Variants in ARHGAP15 observed in about 807,000 individuals in gnomAD.
The protein encoded by ARHGAP15 is rho GTPase-activating protein 15.
In ARHGAP15, 51 loss-of-function variants were observed where a neutral mutation model predicts 63.7. That is an observed-to-expected ratio of 0.80 (90% CI 0.64 to 1.01). The LOEUF is 1.01. Among genes scored for constraint, ARHGAP15 ranks in the 50% least tolerant of loss-of-function variants. The pLI, the probability that ARHGAP15 is intolerant of heterozygous loss-of-function variation, is 0.00. For missense variants in ARHGAP15, 560 were observed against 564.6 expected (o/e 0.99, Z 0.08); for synonymous variants, 191 against 193.8 (o/e 0.99, Z 0.12).
At chr2:143,425,988 C>A (rs1187087925) in intron 6 of ARHGAP15, among the ~76,000 whole-genome samples, 1 of 152,136 alleles carries the variant, frequency 6.6e-6, no homozygotes, top group Non-Finnish European at 1.5e-5. Flanking sequence ...AACTTGACAG[C>A]AGAGAAGGAA....
At chr2:143,549,854 C>T (rs1695480657) in intron 10 of ARHGAP15, among the ~76,000 whole-genome samples, 1 of 152,160 alleles carries the variant, frequency 6.6e-6, no homozygotes, top group Non-Finnish European at 1.5e-5. Flanking sequence ...TACTCACCAC[C>T]CATTTATCCT....
intron 6 of ARHGAP15, among the ~76,000 whole-genome samples, chr2:143,354,049 CAG>C (rs1685699121): frequency 6.6e-6 from 1 of 150,932 alleles, no homozygotes; most frequent in Non-Finnish European, 1.5e-5. Context: ...CTCAGTAAAA[CAG>C]AGATGGCCCT....
chr2:143,666,211 C>A (rs1574805589), intron 12 of ARHGAP15, among the ~76,000 whole-genome samples: 1 of 148,844 alleles, frequency 6.7e-6, no homozygotes, highest in East Asian at 2.0e-4. Context: ...GTACTGGTAC[C>A]AAAACAGAGA....
chr2:143,620,178 C>T (rs1559084613), intron 11 of ARHGAP15, among the ~76,000 whole-genome samples: 1 of 152,062 alleles, frequency 6.6e-6, no homozygotes, highest in Non-Finnish European at 1.5e-5. Flanking sequence ...CCATTTGATA[C>T]CAACAATTAT....
At chr2:143,572,381 C>T (rs915759087) in intron 11 of ARHGAP15, among the ~76,000 whole-genome samples, 8 of 152,148 alleles carry the variant, frequency 5.3e-5, no homozygotes, top group African/African-American at 1.9e-4. Flanking sequence ...TAGTCATACT[C>T]TATGCACACA....
chr2:143,724,051 A>ATGTGTGTG (rs70982882), intron 13 of ARHGAP15, among the ~76,000 whole-genome samples: 9,327 of 149,902 alleles, frequency 0.062, 409 homozygotes, highest in East Asian at 0.26. Flanking sequence ...ATCCACCTTC[A>ATGTGTGTG]TGTGTGTGTG....
At chr2:143,444,674 T>TG (rs1690052321) in intron 8 of ARHGAP15, among the ~76,000 whole-genome samples, 1 of 151,974 alleles carries the variant, frequency 6.6e-6, no homozygotes, top group African/African-American at 2.4e-5. Context: ...ATAACATGCT[T>TG]GGGGGAAAAA....
intron 12 of ARHGAP15, among the ~76,000 whole-genome samples, chr2:143,659,526 C>A (rs1292084886): frequency 6.6e-6 from 1 of 152,110 alleles, no homozygotes; most frequent in Non-Finnish European, 1.5e-5. Flanking sequence ...CCTGGGTCAG[C>A]CAGTCTGATA....
chr2:143,218,522 G>C (rs1445335735), intron 4 of ARHGAP15, among the ~76,000 whole-genome samples: 4 of 148,330 alleles, frequency 2.7e-5, no homozygotes, highest in Admixed American at 6.8e-5. Flanking sequence ...AGCTGTATAT[G>C]TGGCATTCAA....
intron 1 of ARHGAP15, among the ~76,000 whole-genome samples, chr2:143,134,974 T>C (rs1231258258): frequency 6.6e-6 from 1 of 151,830 alleles, no homozygotes; most frequent in Non-Finnish European, 1.5e-5. Flanking sequence ...AAATAGACAG[T>C]AGCTTAAAAG....
intron 11 of ARHGAP15, among the ~76,000 whole-genome samples, chr2:143,599,704 TCA>T (rs1559072940): frequency 6.6e-6 from 1 of 152,220 alleles, no homozygotes; most frequent in African/African-American, 2.4e-5. Context: ...TCCAATATTT[TCA>T]CACAGTTAGA....
chr2:143,412,960 G>T lies in ARHGAP15; in HGVS notation c.475-22641G>T, dbSNP rs1688504273. ...TTCTCTTAATTTCAACTATTTTCAGGTCTAAATTTTTATTTTATTGGTTAT... is the reference window on the plus strand; with the variant it reads ...TTCTCTTAATTTCAACTATTTTCAGTTCTAAATTTTTATTTTATTGGTTAT... On this transcript the variant is annotated intron_variant, in intron 6 of 13. Transcript: ENST00000295095. Among the ~76,000 whole-genome samples, 3 of 151,802 alleles carry T rather than the reference G, an allele frequency of 2.0e-5. No individual in the cohort carries two copies. In the South Asian group the frequency reaches 6.2e-4, roughly 32 times the overall value.
At chr2:143,762,665 G>A (rs1686801617) in intron 13 of ARHGAP15, among the ~76,000 whole-genome samples, 1 of 152,058 alleles carries the variant, frequency 6.6e-6, no homozygotes, top group Admixed American at 6.6e-5. Flanking sequence ...CAAGATTCAA[G>A]TAATTTAGGG....
In ARHGAP15 at chr2:143,376,100, A is replaced by T. The variant is rs866645691; in HGVS notation, c.475-59501A>T. Among the ~76,000 whole-genome samples, 4 of 152,218 alleles carry T rather than the reference A, an allele frequency of 2.6e-5. No homozygotes were observed. The South Asian group carries it at 8.3e-4, about 32-fold the overall frequency. ...GCTGGTGTTTAGAATAATGACTGCT[A>T]GGTTCTGTAAGATTCTCAACATTAC... On this transcript the variant is annotated intron_variant, in intron 6 of 13. Coordinates refer to ENST00000295095, the MANE Select transcript of ARHGAP15 (RefSeq NM_018460.4).
chr2:143,636,597 T>C (rs1680327623), intron 12 of ARHGAP15, among the ~76,000 whole-genome samples: 1 of 152,110 alleles, frequency 6.6e-6, no homozygotes, highest in Non-Finnish European at 1.5e-5. Context: ...GAAAAACCAC[T>C]TTGGTCAATG....
intron 12 of ARHGAP15, among the ~76,000 whole-genome samples, chr2:143,678,056 A>G (rs1388779216): frequency 6.6e-6 from 1 of 152,106 alleles, no homozygotes; most frequent in Non-Finnish European, 1.5e-5. Context: ...ATACAAAAAC[A>G]TAAGAATTAG....
At chr2:143,591,771 C>T (rs1010798342) in intron 11 of ARHGAP15, among the ~76,000 whole-genome samples, 8 of 151,886 alleles carry the variant, frequency 5.3e-5, no homozygotes, top group East Asian at 1.9e-4. Context: ...AGGTGCCTGC[C>T]GCCATGCCTG....
intron 13 of ARHGAP15, among the ~76,000 whole-genome samples, chr2:143,732,338 C>A (rs1029995266): frequency 2.0e-5 from 3 of 152,126 alleles, no homozygotes; most frequent in Admixed American, 6.6e-5. Context: ...TGGAATACTA[C>A]CTTCATCCCT....
chr2:143,743,451 T>C lies in ARHGAP15; in HGVS notation c.1245-24538T>C, dbSNP rs545362515. 2.0e-5 allele frequency among the ~76,000 whole-genome samples: 3 copies of C among 152,302 alleles called. No individual in the cohort carries two copies. In the South Asian group the frequency reaches 6.2e-4, roughly 32 times the overall value. ...GAAGGCCCTACTGATGGTGTTCTATTGACTTGGACAGTCTCCATGTGGTTC... is the reference window on the plus strand; with the variant it reads ...GAAGGCCCTACTGATGGTGTTCTATCGACTTGGACAGTCTCCATGTGGTTC... On this transcript the variant is annotated intron_variant, in intron 13 of 13. Coordinates refer to ENST00000295095, the MANE Select transcript of ARHGAP15 (RefSeq NM_018460.4).
Sources: allele counts gnomAD v4.1 joint callset (sites outside exome capture counted in the v4.1 genomes callset), GRCh38; gene constraint gnomAD v4.1.1; transcripts MANE v1.5; gene names NCBI Gene and HGNC (gene_info 2026-07-23, HGNC 2026-07-21).